ATRNL1: variants seen among roughly 807,000 people sequenced by gnomAD.
The protein encoded by ATRNL1 is attractin-like protein 1.
ATRNL1 carries 95 observed loss-of-function variants against 182.7 expected under a neutral mutation model. The observed-to-expected ratio is 0.52, with a 90% CI of 0.44 to 0.62. The LOEUF (loss-of-function observed/expected upper bound fraction) is 0.62. ATRNL1 is among the 20% of genes least tolerant of loss of function. The pLI, the probability that ATRNL1 is intolerant of heterozygous loss-of-function variation, is 0.00. For synonymous variants in ATRNL1, 576 were observed against 568.3 expected (o/e 1.01, Z -0.19); for missense variants, 1,471 against 1,679.5 (o/e 0.88, Z 2.17).
At chr10:115,400,457 T>C (rs782346444) in intron 20 of ATRNL1, among the ~76,000 whole-genome samples, 2 of 152,128 alleles carry the variant, frequency 1.3e-5, no homozygotes, top group Admixed American at 6.6e-5. Flanking sequence ...ATCTATGAGA[T>C]CCATTTGATC....
intron 28 of ATRNL1, among the ~76,000 whole-genome samples, chr10:115,925,606 G>T (rs1240070303): frequency 6.6e-6 from 1 of 152,012 alleles, no homozygotes; most frequent in South Asian, 2.1e-4. Flanking sequence ...AAAAGCAGGG[G>T]TTGCAATCCT....
Position 115,944,859 on chromosome 10 carries a change from A to G in ATRNL1, c.*80A>G. ...AAGCTGTTCTATGGCCTTGGATTTT[A>G]TGGAGGCAGATCTCTGTATCATCCA... On this transcript the variant is annotated 3_prime_UTR_variant, in exon 29 of 29. Transcript: ENST00000355044. 1 of 1,473,972 alleles carries G rather than the reference A, an allele frequency of 6.8e-7. No individual in the cohort carries two copies. Among genetic ancestry groups the G allele is most frequent in the Admixed American group, 2.0e-5 (1 of 49,172 alleles). 91.3% of individuals were successfully genotyped at this position (1,473,972 alleles called of 1,614,324 possible). A position where few individuals can be genotyped will look rare whatever the true frequency, so the allele number is the denominator to read the frequency against.
chr10:115,719,803 C>G (rs1266165532), intron 26 of ATRNL1, among the ~76,000 whole-genome samples: 1 of 150,776 alleles, frequency 6.6e-6, no homozygotes, highest in Non-Finnish European at 1.5e-5. Context: ...CAAGACACAG[C>G]TTTTGTGTTG....
At chr10:115,214,080 ATATC>A (rs1488683604) in intron 8 of ATRNL1, among the ~76,000 whole-genome samples, 2 of 151,916 alleles carry the variant, frequency 1.3e-5, no homozygotes, top group African/African-American at 4.8e-5. Flanking sequence ...ATATATAAAC[ATATC>A]TATCTAAAAA....
chr10:115,220,850 G>T (rs1324778965), intron 9 of ATRNL1, among the ~76,000 whole-genome samples: 1 of 151,118 alleles, frequency 6.6e-6, no homozygotes, highest in Non-Finnish European at 1.5e-5. Flanking sequence ...CCACTATAAA[G>T]CCTGCTACCA....
At chr10:115,641,527 C>T (rs1859247785) in intron 26 of ATRNL1, among the ~76,000 whole-genome samples, 1 of 152,108 alleles carries the variant, frequency 6.6e-6, no homozygotes, top group South Asian at 2.1e-4. Context: ...GAAAACAAAT[C>T]AGGTTGTTTA....
intron 28 of ATRNL1, among the ~76,000 whole-genome samples, chr10:115,901,518 G>A (rs782262367): frequency 5.3e-5 from 8 of 151,988 alleles, no homozygotes; most frequent in Non-Finnish European, 1.0e-4. Flanking sequence ...TAGGCAGTGG[G>A]TTTTTTGTTT....
chr10:115,607,021 G>A (rs1293191096), intron 26 of ATRNL1, among the ~76,000 whole-genome samples: 1 of 151,950 alleles, frequency 6.6e-6, no homozygotes, highest in Non-Finnish European at 1.5e-5. Context: ...TATTAATGCA[G>A]TGATGATATT....
intron 1 of ATRNL1, among the ~76,000 whole-genome samples, chr10:115,107,909 G>C (rs1564740082): frequency 1.3e-5 from 2 of 152,108 alleles, no homozygotes; most frequent in Admixed American, 1.3e-4. Context: ...TGAATGCTGA[G>C]GTCCCATAGA....
intron 24 of ATRNL1, 36 bp from the exon 25 acceptor site, chr10:115,519,227 A>C (rs1850792215): frequency 6.5e-7 from 1 of 1,546,068 alleles, no homozygotes; most frequent in African/African-American, 1.4e-5. Context: ...TTTAGAGAAG[A>C]ACATACTTTC....
intron 20 of ATRNL1, among the ~76,000 whole-genome samples, chr10:115,399,651 G>T (rs936800259): frequency 6.6e-6 from 1 of 151,696 alleles, no homozygotes; most frequent in Non-Finnish European, 1.5e-5. Flanking sequence ...TTTTGTGTGT[G>T]TGTGTGTCTT....
chr10:115,188,050 G>A (rs1554889126), intron 8 of ATRNL1, among the ~76,000 whole-genome samples: 1 of 141,410 alleles, frequency 7.1e-6, no homozygotes, highest in African/African-American at 2.6e-5. Flanking sequence ...AGAGAGGGAG[G>A]GGGAGGGGGA....
At chr10:115,808,108 CAAT>C (rs1358499522) in intron 27 of ATRNL1, among the ~76,000 whole-genome samples, 1 of 152,046 alleles carries the variant, frequency 6.6e-6, no homozygotes, top group African/African-American at 2.4e-5. Context: ...CATTAAGTAA[CAAT>C]AAGTGATTGA....
chr10:115,145,720 A>G (rs1174730742), intron 5 of ATRNL1, among the ~76,000 whole-genome samples: 1 of 152,164 alleles, frequency 6.6e-6, no homozygotes, highest in African/African-American at 2.4e-5. Flanking sequence ...CTAAATCATA[A>G]GACTATATCT....
At chr10:115,312,858 A>G (rs1045725007) in intron 17 of ATRNL1, among the ~76,000 whole-genome samples, 1 of 152,004 alleles carries the variant, frequency 6.6e-6, no homozygotes. Flanking sequence ...AGCTTTGTCT[A>G]TGAGGTCTGA....
In ATRNL1 at chr10:115,472,369, A is replaced by T. The variant is rs868950358; in HGVS notation, c.3654+3040A>T. ...TTTGAATTTAAAAATTTTTTTTTCT[A>T]TATCTGTGAAAAATGTAATTGGAAT... On this transcript the variant is annotated intron_variant, in intron 24 of 28. Transcript: ENST00000355044. 4.0e-5 allele frequency among the ~76,000 whole-genome samples: 6 copies of T among 150,832 alleles called. No homozygotes were observed. The Middle Eastern group carries it at 0.014, about 342-fold the overall frequency.
At chr10:115,831,626 T>C (rs906391538) in intron 27 of ATRNL1, among the ~76,000 whole-genome samples, 2 of 152,150 alleles carry the variant, frequency 1.3e-5, no homozygotes, top group African/African-American at 2.4e-5. Context: ...GTTCACTTCT[T>C]GCACCGGCTA....
intron 27 of ATRNL1, among the ~76,000 whole-genome samples, chr10:115,750,524 G>A (rs782547712): frequency 6.6e-6 from 1 of 151,614 alleles, no homozygotes; most frequent in Non-Finnish European, 1.5e-5. Context: ...GAAAACAAAG[G>A]TGAATTACTC....
chr10:115,747,318 C>T (rs910912663), intron 27 of ATRNL1, among the ~76,000 whole-genome samples: 2 of 152,080 alleles, frequency 1.3e-5, no homozygotes, highest in East Asian at 1.9e-4. Context: ...TTCCTTCATT[C>T]TTCCAAATAG....
Sources: allele counts gnomAD v4.1 joint callset (sites outside exome capture counted in the v4.1 genomes callset), GRCh38; gene constraint gnomAD v4.1.1; transcripts MANE v1.5; gene names NCBI Gene and HGNC (gene_info 2026-07-23, HGNC 2026-07-21).